SNX2: variants seen among roughly 807,000 people sequenced by gnomAD.
The protein encoded by SNX2 is sorting nexin 2, also known as sorting nexin-2.
A neutral mutation model predicts 69.9 loss-of-function variants in SNX2; 25 were observed. That is an observed-to-expected ratio of 0.36 (90% CI 0.26 to 0.50). The LOEUF is 0.50. Among genes scored for constraint, SNX2 ranks in the 20% least tolerant of loss-of-function variants. The pLI is 0.97. For missense variants in SNX2, 551 were observed against 613.3 expected (o/e 0.90, Z 1.07); for synonymous variants, 229 against 200.4 (o/e 1.14, Z -1.20).
chr5:122,791,404 C>T (rs933392842), intron 1 of SNX2, among the ~76,000 whole-genome samples: 2 of 152,178 alleles, frequency 1.3e-5, no homozygotes, highest in Non-Finnish European at 2.9e-5. Flanking sequence ...GCCTCAGCCT[C>T]CTGGGTAGCT....
In SNX2 at chr5:122,814,679, T is replaced by C. The variant is rs115069861; in HGVS notation, c.723-1217T>C. Reference sequence around the variant, plus strand: ...TTATTCTAAAGAAATAAAATAAATATGTTATTGCGAGGAAAAATATTATAA... The same window carrying C: ...TTATTCTAAAGAAATAAAATAAATACGTTATTGCGAGGAAAAATATTATAA... On this transcript the variant is annotated intron_variant, in intron 7 of 14. Transcript: ENST00000379516. Among the ~76,000 whole-genome samples, 643 of 152,250 alleles carry C rather than the reference T, an allele frequency of 4.2e-3. 2 individuals carry two copies. The highest frequency in any genetic ancestry group is 0.014 in the African/African-American group (598 of 41,546).
chr5:122,804,071 G>A (rs1034195196), intron 6 of SNX2, among the ~76,000 whole-genome samples: 6 of 152,006 alleles, frequency 3.9e-5, no homozygotes, highest in Admixed American at 1.3e-4. Flanking sequence ...CTCAGAAGGC[G>A]GAGGTTGCAG....
At chr5:122,828,586 A>G (rs192928996) in intron 14 of SNX2, among the ~76,000 whole-genome samples, 5 of 151,858 alleles carry the variant, frequency 3.3e-5, no homozygotes, top group Admixed American at 2.6e-4. Flanking sequence ...TATGCTCTGA[A>G]TTGGGAAATC....
intron 1 of SNX2, among the ~76,000 whole-genome samples, chr5:122,788,623 C>T (rs1167596457): frequency 1.3e-5 from 2 of 152,190 alleles, no homozygotes; most frequent in South Asian, 2.1e-4. Context: ...TGCACTAACA[C>T]TTTGCTCTTC....
intron 11 of SNX2, among the ~76,000 whole-genome samples, chr5:122,823,553 AG>A (rs2150017015): frequency 6.6e-6 from 1 of 152,342 alleles, no homozygotes; most frequent in East Asian, 1.9e-4. Context: ...ATTGAATTAA[AG>A]GGCATGTTCA....
intron 2 of SNX2, among the ~76,000 whole-genome samples, chr5:122,796,344 C>G (rs1341869509): frequency 1.3e-5 from 2 of 152,220 alleles, no homozygotes; most frequent in Non-Finnish European, 2.9e-5. Flanking sequence ...AGACAGCAAT[C>G]CTCCATCACA....
intron 1 of SNX2, among the ~76,000 whole-genome samples, chr5:122,788,586 G>C (rs1035475522): frequency 1.3e-5 from 2 of 152,116 alleles, no homozygotes; most frequent in Admixed American, 6.6e-5. Context: ...ATTCAGATCA[G>C]ATATTTTCTA....
At chr5:122,810,438 T>C (rs1753746560) in intron 7 of SNX2, among the ~76,000 whole-genome samples, 2 of 149,888 alleles carry the variant, frequency 1.3e-5, no homozygotes, top group Non-Finnish European at 1.5e-5. Context: ...AGGTAGATAA[T>C]GGTCTGCCTT....
At position 122,777,226 on chromosome 5, in the gene SNX2, T is replaced by A. The variant is rs1752875809; in HGVS notation, c.108+2015T>A. On this transcript the variant is annotated intron_variant, in intron 1 of 14. Transcript: ENST00000379516. ...AGATGCCTGTGCCTCACTGGAAACT[T>A]CATGTTTAATAAGTGTTCTAGATCC... 1.3e-5 allele frequency among the ~76,000 whole-genome samples: 2 copies of A among 152,214 alleles called. 1 individual carries two copies. Among genetic ancestry groups the A allele is most frequent in the South Asian group, 4.1e-4 (2 of 4,836 alleles).
Position 122,816,896 on chromosome 5 carries a change from A to C in SNX2, c.799-19A>C. Reference sequence around the variant, plus strand: ...GCTTTTAACCGGTTTGTTTGCCCTTATTTGTCATTCAATTCCAGCTGCCTA... The same window carrying C: ...GCTTTTAACCGGTTTGTTTGCCCTTCTTTGTCATTCAATTCCAGCTGCCTA... On this transcript the variant is annotated intron_variant, in intron 8 of 14. Transcript: ENST00000379516. 6.6e-7 allele frequency: 1 copy of C among 1,521,368 alleles called. No individual in the cohort carries two copies. Among genetic ancestry groups the C allele is most frequent in the Non-Finnish European group, 9.1e-7 (1 of 1,099,474 alleles). 94.2% of individuals were successfully genotyped at this position (1,521,368 alleles called of 1,614,324 possible).
At chr5:122,775,536 A>G (rs1752837410) in intron 1 of SNX2, 1 of 1,038,160 alleles carries the variant, frequency 9.6e-7, no homozygotes, top group African/African-American at 1.7e-5. Context: ...CAAGCCGGAG[A>G]AGGGCTTGCT....
chr5:122,816,940 C>T lies in SNX2; in HGVS notation c.824C>T (p.Ala275Val). The change falls in exon 9 of 15, where the codon GCT (alanine) becomes GTT (valine). Residue 275 changes from alanine to valine, a missense_variant. This residue lies in a region of SNX2 where 360 missense variants were observed against 450.4 expected (regional missense o/e 0.80). Coordinates refer to ENST00000379516, the MANE Select transcript of SNX2 (RefSeq NM_003100.4). ...CTGCCTAGAGCAGTTAATACACAGG[C>T]TCTGAGTGGAGCAGGAATATTGAGG... ...SELPRAVNTQ[A>V]LSGAGILRMV... is the part of the protein sequence containing the mutation. The T allele has an allele frequency of 6.2e-7, 1 of 1,612,990 alleles. No individual in the cohort carries two copies. Among genetic ancestry groups the T allele is most frequent in the Non-Finnish European group, 8.5e-7 (1 of 1,179,180 alleles).
chr5:122,825,647 A>G (rs1242576446), intron 11 of SNX2, among the ~76,000 whole-genome samples: 1 of 152,044 alleles, frequency 6.6e-6, no homozygotes, highest in East Asian at 1.9e-4. Flanking sequence ...AATTTCAGAC[A>G]TGTTTCTAAT....
At chr5:122,822,660 C>T (rs547859265) in intron 11 of SNX2, among the ~76,000 whole-genome samples, 10 of 152,260 alleles carry the variant, frequency 6.6e-5, no homozygotes, top group South Asian at 2.1e-4. Flanking sequence ...TGTCAGGAAA[C>T]GCCTGTTTTC....
At chr5:122,812,606 T>C (rs1753805017) in intron 7 of SNX2, among the ~76,000 whole-genome samples, 1 of 152,230 alleles carries the variant, frequency 6.6e-6, no homozygotes, top group Admixed American at 6.5e-5. Context: ...TGTCTTTTTT[T>C]CCCATAGCTT....
At chr5:122,805,074 C>G (rs1282174169) in intron 6 of SNX2, among the ~76,000 whole-genome samples, 1 of 151,800 alleles carries the variant, frequency 6.6e-6, no homozygotes, top group Non-Finnish European at 1.5e-5. Context: ...GGCGGATCAC[C>G]TGAGGTCAGG....
chr5:122,827,978 GTTC>G (rs1395337644), intron 14 of SNX2: 2 of 196,744 alleles, frequency 1.0e-5, no homozygotes, highest in African/African-American at 4.7e-5. Flanking sequence ...CTCATAGTAA[GTTC>G]TTCTCTTCCA....
intron 7 of SNX2, among the ~76,000 whole-genome samples, chr5:122,811,543 A>G (rs571862193): frequency 1.4e-3 from 214 of 152,248 alleles, no homozygotes; most frequent in African/African-American, 4.7e-3. Flanking sequence ...TTAAAGTGTA[A>G]GTGTGAGGCT....
chr5:122,817,149 A>T (rs1001715815), intron 9 of SNX2, 121 bp downstream of exon 9: 1 of 1,125,282 alleles, frequency 8.9e-7, no homozygotes, highest in African/African-American at 1.5e-5. Flanking sequence ...GTTCTCAGCC[A>T]CATCAGTTGG....
Sources: allele counts gnomAD v4.1 joint callset (sites outside exome capture counted in the v4.1 genomes callset), GRCh38; gene constraint gnomAD v4.1.1; regional missense constraint gnomAD v4.1.1; transcripts MANE v1.5; gene names NCBI Gene and HGNC (gene_info 2026-07-23, HGNC 2026-07-21).